SLC35F4: variants seen among roughly 807,000 people sequenced by gnomAD.
SLC35F4 encodes the protein solute carrier family 35 member F4.
Under a neutral mutation model 44.2 loss-of-function variants are expected in SLC35F4, and 24 were observed. The observed-to-expected ratio is 0.54, with a 90% CI of 0.39 to 0.76. SLC35F4 has a LOEUF of 0.76. SLC35F4 is among the 30% of genes least tolerant of loss of function. SLC35F4 has a pLI of 0.00. For missense variants in SLC35F4, 562 were observed against 586.1 expected, an observed-to-expected ratio of 0.96 and a Z score of 0.42; for synonymous variants, 238 against 223.6, an observed-to-expected ratio of 1.06 and a Z score of -0.57.
At chr14:57,666,953 C>CAAAT (rs2074330428) in intron 1 of SLC35F4, among the ~76,000 whole-genome samples, 1 of 151,896 alleles carries the variant, frequency 6.6e-6, no homozygotes, top group African/African-American at 2.4e-5. Context: ...TCTAGAAAGG[C>CAAAT]CAAATGCACG....
intron 1 of SLC35F4, among the ~76,000 whole-genome samples, chr14:57,819,101 A>G (rs1214902693): frequency 1.3e-5 from 2 of 152,212 alleles, no homozygotes. Flanking sequence ...CCTTGATTAC[A>G]CATAATATGA....
intron 1 of SLC35F4, among the ~76,000 whole-genome samples, chr14:57,607,909 G>T (rs1303936876): frequency 6.6e-6 from 1 of 152,048 alleles, no homozygotes; most frequent in South Asian, 2.1e-4. Flanking sequence ...TAGAAATAAG[G>T]GTGAAAGAGG....
Position 57,751,533 on chromosome 14 carries a change from T to G in SLC35F4, c.103+114190A>C, listed in dbSNP as rs984167372. 2.6e-5 allele frequency among the ~76,000 whole-genome samples: 4 copies of G among 152,352 alleles called. No individual in the cohort carries two copies. The South Asian group carries it at 6.2e-4, about 24-fold the overall frequency. On this transcript the variant is annotated intron_variant, in intron 1 of 7. Coordinates refer to ENST00000556826, the MANE Select transcript of SLC35F4 (RefSeq NM_001306087.2). ...CATGGAGATTTACTTGAGCTGAATA[T>G]CTCAGAAAAGGCAACAACGAAACAC...
intron 1 of SLC35F4, among the ~76,000 whole-genome samples, chr14:57,734,943 T>C (rs759895026): frequency 6.6e-6 from 1 of 152,188 alleles, no homozygotes; most frequent in Non-Finnish European, 1.5e-5. Flanking sequence ...TCTCTCTGAC[T>C]TCCAATATAC....
At chr14:57,750,536 A>G (rs952538772) in intron 1 of SLC35F4, among the ~76,000 whole-genome samples, 14 of 152,154 alleles carry the variant, frequency 9.2e-5, no homozygotes, top group Non-Finnish European at 1.9e-4. Context: ...ATTGTTGCCA[A>G]CATCTAATAT....
intron 1 of SLC35F4, among the ~76,000 whole-genome samples, chr14:57,831,451 C>T (rs1884363645): frequency 6.6e-6 from 1 of 152,146 alleles, no homozygotes; most frequent in South Asian, 2.1e-4. Flanking sequence ...TACAGCATAG[C>T]CTCCCAGGAC....
intron 1 of SLC35F4, among the ~76,000 whole-genome samples, chr14:57,826,261 G>A (rs1290171435): frequency 6.6e-6 from 1 of 152,198 alleles, no homozygotes; most frequent in Non-Finnish European, 1.5e-5. Context: ...AAGCAATGGG[G>A]AAAGGACATC....
At position 57,630,522 on chromosome 14, in the gene SLC35F4, C is replaced by T. The variant is rs1263004631; in HGVS notation, c.104-36398G>A. On this transcript the variant is annotated intron_variant, in intron 1 of 7. Transcript: ENST00000556826. ...GCATCTCACACCAAAACTAGAGGCA[C>T]CTCAAAAATAGATTCCAAAACACAT... is the stretch of plus-strand genomic sequence containing the variant. 12 of 1,125,414 alleles carry T rather than the reference C, an allele frequency of 1.1e-5. No individual in the cohort carries two copies. In the Admixed American group the frequency reaches 1.7e-4, roughly 16 times the overall value. 69.7% of individuals were successfully genotyped at this position (1,125,414 alleles called of 1,614,324 possible).
chr14:57,949,279 A>G lies in SLC35F4; in HGVS notation n.282+32634T>C, dbSNP rs539630028. The stretch of plus-strand genomic sequence containing the variant: ...GGACTAATCCTTTTGTCTTTATATA[A>G]TGTTCCTCTTTGTCTTTATTTACTG... On this transcript the variant is annotated intron_variant and non_coding_transcript_variant, in intron 1 of 1. Coordinates refer to the SLC35F4 transcript ENST00000556568. 2.0e-5 allele frequency among the ~76,000 whole-genome samples: 3 copies of G among 152,210 alleles called. No homozygotes were observed. The South Asian group carries it at 6.2e-4, about 32-fold the overall frequency.
At chr14:57,916,468 A>G (rs1332678422) in intron 1 of SLC35F4, among the ~76,000 whole-genome samples, 1 of 152,144 alleles carries the variant, frequency 6.6e-6, no homozygotes, top group African/African-American at 2.4e-5. Context: ...TCTTTTTGGT[A>G]TCTATCCTGC....
chr14:57,909,590 GT>G (rs1362057449), intron 1 of SLC35F4, among the ~76,000 whole-genome samples: 1 of 150,632 alleles, frequency 6.6e-6, no homozygotes, highest in East Asian at 2.0e-4. Context: ...ACACAGATCG[GT>G]TTCTTTTCAT....
At chr14:57,936,634 A>G (rs566036368) in intron 1 of SLC35F4, among the ~76,000 whole-genome samples, 96 of 152,302 alleles carry the variant, frequency 6.3e-4, no homozygotes, top group Non-Finnish European at 1.0e-3. Context: ...ACATCCTACA[A>G]TGCAAAGGAC....
intron 1 of SLC35F4, among the ~76,000 whole-genome samples, chr14:57,711,029 A>T (rs1460155813): frequency 6.6e-6 from 1 of 151,996 alleles, no homozygotes; most frequent in African/African-American, 2.4e-5. Flanking sequence ...GAGTGGAATT[A>T]TATGGTTTGG....
intron 1 of SLC35F4, among the ~76,000 whole-genome samples, chr14:57,844,888 GTCTCTCTGTCTCTCTCCTCCATCTATC>G (rs1396199399): frequency 6.6e-6 from 1 of 152,032 alleles, no homozygotes; most frequent in Non-Finnish European, 1.5e-5. Flanking sequence ...TAGTAGAGGG[GTCTCTCTGTCTCTCTCCTCCATCTATC>G]TCTCTCTGTC....
intron 1 of SLC35F4, among the ~76,000 whole-genome samples, chr14:57,801,745 A>G (rs541341784): frequency 7.2e-5 from 11 of 152,224 alleles, no homozygotes; most frequent in Non-Finnish European, 1.6e-4. Context: ...GAAGGAAATT[A>G]CATAAAGGTA....
intron 1 of SLC35F4, among the ~76,000 whole-genome samples, chr14:57,970,222 T>C (rs1881011110): frequency 6.6e-6 from 1 of 152,242 alleles, no homozygotes; most frequent in Non-Finnish European, 1.5e-5. Context: ...TTTCTCAACT[T>C]GTCCACCTGC....
At chr14:57,588,118 G>A (rs756216867) in intron 3 of SLC35F4, among the ~76,000 whole-genome samples, 1 of 152,212 alleles carries the variant, frequency 6.6e-6, no homozygotes, top group Non-Finnish European at 1.5e-5. Context: ...AGTGAGCTGA[G>A]ATCGTGCCAC....
chr14:57,583,071 T>A (rs986925184), intron 3 of SLC35F4, among the ~76,000 whole-genome samples: 1 of 152,226 alleles, frequency 6.6e-6, no homozygotes, highest in Non-Finnish European at 1.5e-5. Context: ...GAAGGATTTT[T>A]GTAAAATGAA....
intron 1 of SLC35F4, among the ~76,000 whole-genome samples, chr14:57,957,154 C>A (rs1192114804): frequency 6.6e-6 from 1 of 152,144 alleles, no homozygotes; most frequent in African/African-American, 2.4e-5. Context: ...ATGGATAAAG[C>A]TGGAAACCAT....
Sources: gnomAD v4.1 joint callset for allele counts (sites outside exome capture counted in the v4.1 genomes callset) on GRCh38, gnomAD v4.1.1 for gene constraint, MANE v1.5 for transcripts, NCBI Gene and HGNC (gene_info 2026-07-23, HGNC 2026-07-21) for gene names.